KIAA1217: variants seen among roughly 807,000 people sequenced by gnomAD.
KIAA1217 encodes KIAA1217, also known as sickle tail protein homolog.
In KIAA1217, 88 loss-of-function variants were observed where a neutral mutation model predicts 163.9. The ratio of observed to expected loss-of-function variants is 0.54; its 90% CI spans 0.45 to 0.64. KIAA1217 has a LOEUF of 0.64. Among genes scored for constraint, KIAA1217 ranks in the 30% least tolerant of loss-of-function variants. The pLI, the probability that KIAA1217 is intolerant of heterozygous loss-of-function variation, is 0.00. For missense variants in KIAA1217, 2,372 were observed against 2,475.0 expected (o/e 0.96, Z 0.88); for synonymous variants, 903 against 923.1 (o/e 0.98, Z 0.39).
chr10:23,794,113 C>A (rs185939669), intron 1 of KIAA1217, among the ~76,000 whole-genome samples: 41 of 152,236 alleles, frequency 2.7e-4, no homozygotes, highest in African/African-American at 9.4e-4. Context: ...TGCCTTTAAG[C>A]GATTCCTTTC....
intron 2 of KIAA1217, among the ~76,000 whole-genome samples, chr10:24,234,538 C>A (rs1178328069): frequency 6.6e-6 from 1 of 150,604 alleles, no homozygotes; most frequent in Admixed American, 6.7e-5. Context: ...GTGACGCATG[C>A]ATATAGTCCC....
intron 1 of KIAA1217, among the ~76,000 whole-genome samples, chr10:24,217,115 A>G (rs1237230103): frequency 1.3e-5 from 2 of 151,450 alleles, no homozygotes; most frequent in African/African-American, 4.9e-5. Context: ...ACACATGCAC[A>G]GCACTCAAAA....
chr10:23,958,373 G>A (rs1447820943), intron 1 of KIAA1217, among the ~76,000 whole-genome samples: 1 of 152,178 alleles, frequency 6.6e-6, no homozygotes, highest in Non-Finnish European at 1.5e-5. Context: ...TAGATAAGAG[G>A]CAGGCTTCAA....
intron 1 of KIAA1217, among the ~76,000 whole-genome samples, chr10:23,857,305 C>T (rs985336479): frequency 6.6e-6 from 1 of 152,150 alleles, no homozygotes; most frequent in Non-Finnish European, 1.5e-5. Context: ...GTCACCTCTT[C>T]TGAGCATCTT....
chr10:24,075,380 A>G (rs555469182), intron 2 of KIAA1217, among the ~76,000 whole-genome samples: 1 of 152,224 alleles, frequency 6.6e-6, no homozygotes, highest in South Asian at 2.1e-4. Context: ...CAGTGGCACC[A>G]TCATAACTGT....
chr10:23,921,720 A>G (rs1381669237), intron 1 of KIAA1217, among the ~76,000 whole-genome samples: 1 of 152,168 alleles, frequency 6.6e-6, no homozygotes, highest in Non-Finnish European at 1.5e-5. Flanking sequence ...GTTTGGTTGC[A>G]GGTTAGTGCC....
chr10:24,325,629 GGTT>G (rs2044769698), intron 2 of KIAA1217, among the ~76,000 whole-genome samples: 1 of 152,150 alleles, frequency 6.6e-6, no homozygotes, highest in Admixed American at 6.5e-5. Flanking sequence ...ACAAGTGGCC[GGTT>G]GATCCTATAA....
chr10:24,356,219 T>C, intron 2 of KIAA1217, among the ~76,000 whole-genome samples: 1 of 152,208 alleles, frequency 6.6e-6, no homozygotes, highest in African/African-American at 2.4e-5. Context: ...TGGAGACCAC[T>C]GTGAAGTAGG....
intron 1 of KIAA1217, among the ~76,000 whole-genome samples, chr10:23,711,589 CAATAGGA>C (rs2130736377): frequency 6.6e-6 from 1 of 152,224 alleles, no homozygotes; most frequent in Non-Finnish European, 1.5e-5. Context: ...CTTACAGCAG[CAATAGGA>C]AATTACTGTA....
At chr10:24,141,145 T>C (rs898203106) in intron 2 of KIAA1217, among the ~76,000 whole-genome samples, 5 of 150,024 alleles carry the variant, frequency 3.3e-5, no homozygotes, top group African/African-American at 1.2e-4. Flanking sequence ...CTGGTGCCAA[T>C]AGAGACACCC....
chr10:24,526,135 C>T (rs2072117111), intron 13 of KIAA1217, among the ~76,000 whole-genome samples: 1 of 152,128 alleles, frequency 6.6e-6, no homozygotes, highest in African/African-American at 2.4e-5. Flanking sequence ...TTTGCTTTAT[C>T]ACCCAACAAC....
intron 1 of KIAA1217, among the ~76,000 whole-genome samples, chr10:23,711,147 G>C (rs111269395): frequency 0.074 from 11,323 of 152,170 alleles, 1,185 homozygotes; most frequent in African/African-American, 0.23. Context: ...TATGGATGAG[G>C]CTGGCAGGTT....
At chr10:23,925,679 G>C (rs1842993471) in intron 1 of KIAA1217, among the ~76,000 whole-genome samples, 2 of 152,172 alleles carry the variant, frequency 1.3e-5, no homozygotes, top group Non-Finnish European at 2.9e-5. Context: ...ATGAGGTGCT[G>C]CCCTTCTGTG....
chr10:24,480,995 A>T (rs2064609297), intron 6 of KIAA1217, among the ~76,000 whole-genome samples: 1 of 152,220 alleles, frequency 6.6e-6, no homozygotes, highest in Non-Finnish European at 1.5e-5. Context: ...AAGACTGAAG[A>T]TAAGACAGCT....
chr10:23,814,956 A>T (rs975560439), intron 1 of KIAA1217, among the ~76,000 whole-genome samples: 3 of 152,176 alleles, frequency 2.0e-5, no homozygotes, highest in Admixed American at 6.5e-5. Flanking sequence ...CCAGGTCAGG[A>T]TTTTATGGCT....
chr10:23,823,863 G>C (rs1837741464), intron 1 of KIAA1217, among the ~76,000 whole-genome samples: 1 of 151,874 alleles, frequency 6.6e-6, no homozygotes. Context: ...TGGAAGGGAA[G>C]TAGAAAGTTG....
intron 1 of KIAA1217, among the ~76,000 whole-genome samples, chr10:23,839,622 C>T (rs1215123363): frequency 6.6e-6 from 1 of 152,110 alleles, no homozygotes; most frequent in Admixed American, 6.6e-5. Context: ...GATCTTCTGC[C>T]TCTCCTGTCA....
chr10:24,344,606 C>G (rs915035044), intron 2 of KIAA1217, among the ~76,000 whole-genome samples: 1 of 152,156 alleles, frequency 6.6e-6, no homozygotes, highest in Non-Finnish European at 1.5e-5. Context: ...CCCTCCTGAA[C>G]TGATTGGGTA....
intron 1 of KIAA1217, among the ~76,000 whole-genome samples, chr10:23,989,935 C>G (rs531081143): frequency 1.3e-5 from 2 of 152,184 alleles, no homozygotes; most frequent in Non-Finnish European, 2.9e-5. Flanking sequence ...CCTGCTAAGA[C>G]TTTAGCAAGG....
Sources: allele counts gnomAD v4.1 joint callset (sites outside exome capture counted in the v4.1 genomes callset), GRCh38; gene constraint gnomAD v4.1.1; transcripts MANE v1.5; gene names NCBI Gene and HGNC (gene_info 2026-07-23, HGNC 2026-07-21).